Variants in PTPN13 observed in about 807,000 individuals in gnomAD.
PTPN13 encodes the protein protein tyrosine phosphatase non-receptor type 13, also known as tyrosine-protein phosphatase non-receptor type 13.
PTPN13 carries 191 observed loss-of-function variants against 284.0 expected under a neutral mutation model. That is an observed-to-expected ratio of 0.67 (90% CI 0.60 to 0.76). The LOEUF (loss-of-function observed/expected upper bound fraction) is 0.76, where lower values mean the gene tolerates loss of function less well. Among genes scored for constraint, PTPN13 ranks in the 30% least tolerant of loss-of-function variants. The probability of loss-of-function intolerance (pLI) is 0.00; values close to 1 mark genes in which losing one functional copy is unlikely to be tolerated. For missense variants in PTPN13, 2,797 were observed against 2,939.9 expected, an observed-to-expected ratio of 0.95 and a Z score of 1.12; for synonymous variants, 986 against 1,022.3, an observed-to-expected ratio of 0.96 and a Z score of 0.68.
rs1249669493 is a variant in PTPN13 at position 86,805,322 on chromosome 4, A to G, written c.6698A>G (p.Gln2233Arg). 3.7e-6 allele frequency: 6 copies of G among 1,602,490 alleles called. No homozygotes were observed. The East Asian group carries it at 1.3e-4, about 36-fold the overall frequency. ...LKPLDQCLIGQTKENRRKNRY... is the reference protein window; with the variant it reads ...LKPLDQCLIGRTKENRRKNRY... ...CCTTTGGATCAGTGTCTAATTGGGC[A>G]AACTAAGGAAAACAGAAGGAAGAAC... Residue 2233 changes from glutamine to arginine, a missense_variant, in exon 44 of 48, where the codon CAA becomes CGA. Coordinates refer to ENST00000411767, the MANE Select transcript of PTPN13 (RefSeq NM_080683.3).
intron 1 of PTPN13, among the ~76,000 whole-genome samples, chr4:86,617,354 T>G (rs1720672103): frequency 6.6e-6 from 1 of 152,224 alleles, no homozygotes. Flanking sequence ...TTTTTTACTT[T>G]ACGATGGTGC....
intron 10 of PTPN13, among the ~76,000 whole-genome samples, chr4:86,724,680 T>A (rs886108049): frequency 2.6e-5 from 4 of 152,178 alleles, no homozygotes; most frequent in Non-Finnish European, 4.4e-5. Context: ...ACAGTTTGAA[T>A]TAATATTCTT....
intron 40 of PTPN13, among the ~76,000 whole-genome samples, chr4:86,792,492 C>A (rs1460530301): frequency 1.3e-5 from 2 of 152,138 alleles, no homozygotes; most frequent in Non-Finnish European, 2.9e-5. Flanking sequence ...CATTCAAATT[C>A]AGGAAATACA....
chr4:86,699,024 G>C (rs1345721668), intron 6 of PTPN13, among the ~76,000 whole-genome samples: 2 of 151,746 alleles, frequency 1.3e-5, no homozygotes, highest in Non-Finnish European at 2.9e-5. Flanking sequence ...TATGAGGGGG[G>C]AATCCAGAAT....
intron 1 of PTPN13, among the ~76,000 whole-genome samples, chr4:86,598,960 A>G (rs1418113616): frequency 1.3e-5 from 2 of 152,058 alleles, no homozygotes; most frequent in South Asian, 2.1e-4. Context: ...TGGTCTTCCT[A>G]TGTTACCCAG....
chr4:86,782,670 G>A (rs1741457993), intron 37 of PTPN13, among the ~76,000 whole-genome samples: 1 of 152,038 alleles, frequency 6.6e-6, no homozygotes, highest in Non-Finnish European at 1.5e-5. Flanking sequence ...TGCAATCAGT[G>A]AGGAAAAAAC....
chr4:86,610,338 C>A (rs1765155142), intron 1 of PTPN13, among the ~76,000 whole-genome samples: 1 of 152,210 alleles, frequency 6.6e-6, no homozygotes, highest in Admixed American at 6.5e-5. Flanking sequence ...TTCAAAGTAT[C>A]TTTCTAGGAA....
chr4:86,625,449 T>A (rs1344746280), intron 1 of PTPN13, among the ~76,000 whole-genome samples: 2 of 152,118 alleles, frequency 1.3e-5, no homozygotes, highest in African/African-American at 4.8e-5. Flanking sequence ...TTAAATACCC[T>A]TTTTGGAATC....
chr4:86,615,645 C>T lies in PTPN13; in HGVS notation c.-5-19607C>T, dbSNP rs1006407324. ...AGGAAAATCCCTATGACATCCTCTC[C>T]AGATGGTTATTTCCCTCTGCTTAAC... On this transcript the variant is annotated intron_variant, in intron 1 of 47. Transcript: ENST00000411767. Among the ~76,000 whole-genome samples, 6 of 152,122 alleles carry T rather than the reference C, an allele frequency of 3.9e-5. No individual in the cohort carries two copies. In the South Asian group the frequency reaches 8.3e-4, roughly 21 times the overall value.
intron 28 of PTPN13, among the ~76,000 whole-genome samples, chr4:86,768,264 G>T (rs1454190478): frequency 2.0e-5 from 3 of 152,108 alleles, no homozygotes; most frequent in Non-Finnish European, 4.4e-5. Context: ...AAAAAATAAA[G>T]AAAAACAAAT....
At chr4:86,680,022 G>T (rs1399549921) in intron 3 of PTPN13, among the ~76,000 whole-genome samples, 1 of 152,146 alleles carries the variant, frequency 6.6e-6, no homozygotes, top group African/African-American at 2.4e-5. Context: ...CATGTCTTAG[G>T]TGCCTTATCT....
At chr4:86,692,005 C>T (rs1228400055) in intron 5 of PTPN13, among the ~76,000 whole-genome samples, 1 of 152,122 alleles carries the variant, frequency 6.6e-6, no homozygotes, top group African/African-American at 2.4e-5. Context: ...GTCAATCATC[C>T]ATATTATTAA....
At chr4:86,711,377 C>G (rs2149048742) in intron 7 of PTPN13, among the ~76,000 whole-genome samples, 1 of 151,968 alleles carries the variant, frequency 6.6e-6, no homozygotes, top group East Asian at 1.9e-4. Flanking sequence ...CATGACTATT[C>G]TACAAAATGG....
chr4:86,672,132 A>T (rs553216445), intron 2 of PTPN13, among the ~76,000 whole-genome samples: 1 of 152,320 alleles, frequency 6.6e-6, no homozygotes, highest in African/African-American at 2.4e-5. Context: ...TACCATCCAG[A>T]TTTTGAAAGA....
intron 6 of PTPN13, among the ~76,000 whole-genome samples, chr4:86,699,610 C>T (rs1341057529): frequency 1.3e-5 from 2 of 152,172 alleles, no homozygotes; most frequent in Non-Finnish European, 2.9e-5. Flanking sequence ...AAGTGATTGA[C>T]TATGAATTTA....
chr4:86,730,717 C>T (rs1004334314), intron 10 of PTPN13, among the ~76,000 whole-genome samples: 1 of 147,044 alleles, frequency 6.8e-6, no homozygotes, highest in South Asian at 2.1e-4. Context: ...GTCTCAGCTT[C>T]CCTTGGCTAG....
At chr4:86,803,590 C>T (rs1300231697) in intron 42 of PTPN13, 119 bp from the exon 43 acceptor site, 23 of 1,085,146 alleles carry the variant, frequency 2.1e-5, no homozygotes, top group Middle Eastern at 2.2e-4. Context: ...AAGATTCTAT[C>T]TCTAAATAAA....
chr4:86,704,796 A>C (rs1731548678), intron 7 of PTPN13, among the ~76,000 whole-genome samples: 1 of 152,196 alleles, frequency 6.6e-6, no homozygotes, highest in Non-Finnish European at 1.5e-5. Flanking sequence ...CCCCCAGAGG[A>C]TATTTTACAA....
chr4:86,791,816 C>G (rs1347900848), intron 40 of PTPN13, among the ~76,000 whole-genome samples: 1 of 152,138 alleles, frequency 6.6e-6, no homozygotes, highest in African/African-American at 2.4e-5. Flanking sequence ...TCAACATCAA[C>G]AAAAAGGACA....
Sources: gnomAD v4.1 joint callset for allele counts (sites outside exome capture counted in the v4.1 genomes callset) on GRCh38, gnomAD v4.1.1 for gene constraint, MANE v1.5 for transcripts, NCBI Gene and HGNC (gene_info 2026-07-23, HGNC 2026-07-21) for gene names.